The following LSAMP variants were observed in gnomAD, a reference collection of about 807,000 sequenced individuals.
The protein encoded by LSAMP is limbic system associated membrane protein, also known as limbic system-associated membrane protein.
LSAMP carries 7 observed loss-of-function variants against 38.6 expected under a neutral mutation model. The observed-to-expected ratio is 0.18, with a 90% CI of 0.10 to 0.34. LSAMP has a LOEUF of 0.34. Ranked by LOEUF, LSAMP falls within the 10% of genes least tolerant of loss-of-function variation. The pLI, the probability that LSAMP is intolerant of heterozygous loss-of-function variation, is 1.00. For synonymous variants in LSAMP, 154 were observed against 166.8 expected (o/e 0.92, Z 0.59); for missense variants, 313 against 420.0 (o/e 0.75, Z 2.23).
At chr3:115,812,270 ATTAAT>A (rs1174274195) in intron 6 of LSAMP, among the ~76,000 whole-genome samples, 2 of 152,158 alleles carry the variant, frequency 1.3e-5, no homozygotes, top group African/African-American at 2.4e-5. Flanking sequence ...GATTCAATAA[ATTAAT>A]TATCTGATTT....
intron 6 of LSAMP, among the ~76,000 whole-genome samples, chr3:115,839,995 G>T (rs113153173): frequency 6.6e-6 from 1 of 152,118 alleles, no homozygotes; most frequent in South Asian, 2.1e-4. Flanking sequence ...CCATGACCAC[G>T]AGCAGTATCT....
intron 3 of LSAMP, among the ~76,000 whole-genome samples, chr3:115,859,523 G>T (rs1935611935): frequency 6.6e-6 from 1 of 152,130 alleles, no homozygotes; most frequent in Non-Finnish European, 1.5e-5. Context: ...CTCTGCTATA[G>T]AAATGTTCCC....
chr3:116,122,895 G>A (rs1426364076), intron 1 of LSAMP, among the ~76,000 whole-genome samples: 1 of 152,154 alleles, frequency 6.6e-6, no homozygotes, highest in Non-Finnish European at 1.5e-5. Context: ...AGACATGGAA[G>A]TGATGCTCCC....
At chr3:115,933,019 G>A (rs1273100163) in intron 3 of LSAMP, among the ~76,000 whole-genome samples, 2 of 152,188 alleles carry the variant, frequency 1.3e-5, no homozygotes, top group African/African-American at 2.4e-5. Context: ...GTTTCAGGGG[G>A]AAGAAAGAGA....
intron 1 of LSAMP, among the ~76,000 whole-genome samples, chr3:116,207,888 C>T (rs538593552): frequency 1.3e-3 from 193 of 151,444 alleles, no homozygotes; most frequent in African/African-American, 4.4e-3. Flanking sequence ...CTTGGAGTTG[C>T]TCTTCTCGAG....
chr3:116,105,242 G>C (rs1453947205), intron 1 of LSAMP, among the ~76,000 whole-genome samples: 2 of 151,998 alleles, frequency 1.3e-5, no homozygotes, highest in African/African-American at 4.8e-5. Context: ...ATACTGCCAG[G>C]CAATTCTTTG....
At chr3:116,383,468 A>G (rs2048588146) in intron 1 of LSAMP, among the ~76,000 whole-genome samples, 1 of 152,176 alleles carries the variant, frequency 6.6e-6, no homozygotes, top group African/African-American at 2.4e-5. Context: ...TAAGTACATT[A>G]TGCCTTATCT....
At chr3:115,848,257 C>T (rs894142226) in intron 4 of LSAMP, among the ~76,000 whole-genome samples, 1 of 152,110 alleles carries the variant, frequency 6.6e-6, no homozygotes, top group Non-Finnish European at 1.5e-5. Flanking sequence ...ATCCATGTCT[C>T]TACTAAAAAT....
At chr3:115,920,479 T>C (rs529286786) in intron 3 of LSAMP, among the ~76,000 whole-genome samples, 1 of 152,342 alleles carries the variant, frequency 6.6e-6, no homozygotes, top group Admixed American at 6.5e-5. Context: ...ACATCTTACA[T>C]ATACCTGTTG....
chr3:116,368,773 T>G (rs1326697305), intron 1 of LSAMP, among the ~76,000 whole-genome samples: 1 of 152,210 alleles, frequency 6.6e-6, no homozygotes, highest in African/African-American at 2.4e-5. Context: ...TAATAAGATA[T>G]GTTATAATAG....
At chr3:115,904,956 G>T (rs915096980) in intron 3 of LSAMP, among the ~76,000 whole-genome samples, 1 of 152,022 alleles carries the variant, frequency 6.6e-6, no homozygotes, top group African/African-American at 2.4e-5. Flanking sequence ...CCATCTTATT[G>T]AACTCTGCTT....
chr3:115,816,380 T>C (rs923253649), intron 6 of LSAMP, among the ~76,000 whole-genome samples: 3 of 152,218 alleles, frequency 2.0e-5, no homozygotes, highest in Non-Finnish European at 4.4e-5. Flanking sequence ...TAACTTGCTG[T>C]GTTCCAGGGA....
At chr3:116,002,307 G>T (rs1559915416) in intron 3 of LSAMP, among the ~76,000 whole-genome samples, 1 of 151,964 alleles carries the variant, frequency 6.6e-6, no homozygotes, top group African/African-American at 2.4e-5. Context: ...AAGATGAGAA[G>T]AACTTGAAGT....
chr3:115,852,973 T>C (rs1041730740), intron 3 of LSAMP, among the ~76,000 whole-genome samples: 2 of 152,140 alleles, frequency 1.3e-5, no homozygotes, highest in Admixed American at 1.3e-4. Context: ...ATTCTGATCA[T>C]GAGGCTGGGA....
At chr3:116,130,456 A>G (rs74400439) in intron 1 of LSAMP, among the ~76,000 whole-genome samples, 3,955 of 152,320 alleles carry the variant, frequency 0.026, 73 homozygotes, top group Non-Finnish European at 0.04. Flanking sequence ...GACATCTAAT[A>G]CCTGATTGGA....
chr3:116,391,175 C>A (rs2048689092), intron 1 of LSAMP, among the ~76,000 whole-genome samples: 1 of 152,172 alleles, frequency 6.6e-6, no homozygotes, highest in South Asian at 2.1e-4. Flanking sequence ...CCGGGGAAAT[C>A]ACTTTGATAG....
chr3:115,839,298 CTTCCTTCCTTCCTTCCTTCCTTTT>C (rs1934916270), intron 6 of LSAMP, among the ~76,000 whole-genome samples: 1 of 131,772 alleles, frequency 7.6e-6, no homozygotes, highest in African/African-American at 2.7e-5. Context: ...TCCTTCCTTC[CTTCCTTCCTTCCTTCCTTCCTTTT>C]TTCCTTGCTT....
At position 116,445,071 on chromosome 3, in the gene LSAMP, AGGG is replaced by A; in HGVS notation, c.-43_-41del. ...GGTGCGGGTCCGCGGGGTGCTCTGGAGGGGTGCGCGCTGCTCGCGAGGAGAGGC... is the reference window on the plus strand; with the variant it reads ...GGTGCGGGTCCGCGGGGTGCTCTGGAGTGCGCGCTGCTCGCGAGGAGAGGC... On this transcript the variant is annotated 5_prime_UTR_variant, in exon 1 of 7. Coordinates refer to ENST00000490035, the MANE Select transcript of LSAMP (RefSeq NM_002338.5). 1.3e-6 allele frequency: 2 copies of A among 1,585,494 alleles called. No homozygotes were observed.
At chr3:115,894,655 T>G (rs1936683966) in intron 3 of LSAMP, among the ~76,000 whole-genome samples, 2 of 152,016 alleles carry the variant, frequency 1.3e-5, no homozygotes, top group Non-Finnish European at 2.9e-5. Flanking sequence ...GATAACATAT[T>G]TTTTTCCATG....
Sources: gnomAD v4.1 joint callset for allele counts (sites outside exome capture counted in the v4.1 genomes callset) on GRCh38, gnomAD v4.1.1 for gene constraint, MANE v1.5 for transcripts, NCBI Gene and HGNC (gene_info 2026-07-23, HGNC 2026-07-21) for gene names.